Variants in CNTN5 observed in about 807,000 individuals in gnomAD.
CNTN5 encodes the protein contactin 5.
In CNTN5, 77 loss-of-function variants were observed where a neutral mutation model predicts 129.1. The ratio of observed to expected loss-of-function variants is 0.60; its 90% CI spans 0.50 to 0.72. The LOEUF (loss-of-function observed/expected upper bound fraction) is 0.72. Among genes scored for constraint, CNTN5 ranks in the 30% least tolerant of loss-of-function variants. CNTN5 has a pLI of 0.00. For missense variants in CNTN5, 1,478 were observed against 1,328.8 expected, an observed-to-expected ratio of 1.11 and a Z score of -1.75; for synonymous variants, 509 against 465.6, an observed-to-expected ratio of 1.09 and a Z score of -1.20.
intron 3 of CNTN5, among the ~76,000 whole-genome samples, chr11:99,561,670 A>G (rs1948847326): frequency 1.0e-3 from 1 of 992 alleles, no homozygotes; most frequent in Non-Finnish European, 0.014. Context: ...TACCCTTGGT[A>G]TGATGAGAAT....
intron 3 of CNTN5, among the ~76,000 whole-genome samples, chr11:99,665,895 G>A (rs906655161): frequency 2.6e-5 from 4 of 152,142 alleles, no homozygotes; most frequent in Non-Finnish European, 5.9e-5. Flanking sequence ...CCTATATGGT[G>A]GTTGGGAGTA....
chr11:99,821,489 A>G (rs969971468), intron 4 of CNTN5, among the ~76,000 whole-genome samples: 1 of 152,164 alleles, frequency 6.6e-6, no homozygotes, highest in Non-Finnish European at 1.5e-5. Context: ...GTTATTCAGT[A>G]AAAGCACAAC....
rs1409014858 is a variant in CNTN5, at chr11:99,990,534, G to GT, written c.878-11494dup. On this transcript the variant is annotated intron_variant, in intron 8 of 24. Transcript: ENST00000524871. ...TTCTCCTAATGATAAAACTCTCTAG[G>GT]TTTTTTCAATCATCCTACATAAATA... 2.6e-4 allele frequency among the ~76,000 whole-genome samples: 39 copies of GT among 150,660 alleles called. 1 individual carries two copies. The highest frequency in any genetic ancestry group is 9.0e-4 in the African/African-American group (37 of 40,960).
At chr11:99,761,356 G>A (rs1822166) in intron 3 of CNTN5, among the ~76,000 whole-genome samples, 5 of 151,820 alleles carry the variant, frequency 3.3e-5, no homozygotes, top group African/African-American at 1.2e-4. Context: ...ATGCTGGTGC[G>A]CTGCACCCAC....
chr11:99,990,557 A>G (rs1939016107), intron 8 of CNTN5, among the ~76,000 whole-genome samples: 1 of 152,020 alleles, frequency 6.6e-6, no homozygotes, highest in Non-Finnish European at 1.5e-5. Flanking sequence ...TCCTACATAA[A>G]TAATACTCAT....
At chr11:99,084,648 T>G (rs1865928368) in intron 1 of CNTN5, among the ~76,000 whole-genome samples, 1 of 152,190 alleles carries the variant, frequency 6.6e-6, no homozygotes, top group Non-Finnish European at 1.5e-5. Context: ...TGAATTTACC[T>G]TTTTCTTCAA....
At chr11:99,481,522 T>C (rs1368855299) in intron 2 of CNTN5, among the ~76,000 whole-genome samples, 1 of 152,198 alleles carries the variant, frequency 6.6e-6, no homozygotes, top group Non-Finnish European at 1.5e-5. Flanking sequence ...TTGCTGATTA[T>C]GTGAGAAATC....
chr11:99,423,572 C>G (rs1367504835), intron 2 of CNTN5, among the ~76,000 whole-genome samples: 1 of 152,208 alleles, frequency 6.6e-6, no homozygotes, highest in East Asian at 1.9e-4. Context: ...CTATTTTCAA[C>G]AGTGAGAATT....
chr11:99,161,503 G>T (rs1346682203), intron 1 of CNTN5, among the ~76,000 whole-genome samples: 1 of 152,062 alleles, frequency 6.6e-6, no homozygotes, highest in Non-Finnish European at 1.5e-5. Context: ...GGATGGGGAT[G>T]TCTTTGAGCT....
chr11:99,920,155 G>A (rs1019970400), intron 7 of CNTN5, among the ~76,000 whole-genome samples: 2 of 152,054 alleles, frequency 1.3e-5, no homozygotes, highest in Admixed American at 1.3e-4. Flanking sequence ...ATTATTTTCA[G>A]TTCTCATGTG....
intron 3 of CNTN5, among the ~76,000 whole-genome samples, chr11:99,720,378 T>G (rs571864724): frequency 6.6e-6 from 1 of 152,308 alleles, no homozygotes; most frequent in African/African-American, 2.4e-5. Context: ...TAAATATGAT[T>G]CATTACATAA....
At chr11:99,793,216 C>A (rs181073172) in intron 3 of CNTN5, among the ~76,000 whole-genome samples, 5,380 of 152,108 alleles carry the variant, frequency 0.035, 140 homozygotes, top group South Asian at 0.097. Flanking sequence ...CCTGCCACCA[C>A]GCCCAACTAA....
intron 1 of CNTN5, among the ~76,000 whole-genome samples, chr11:99,202,322 T>C (rs1859249754): frequency 6.6e-6 from 1 of 152,218 alleles, no homozygotes; most frequent in African/African-American, 2.4e-5. Flanking sequence ...GAAATGACTT[T>C]GAAACAATTT....
At chr11:99,788,676 C>T (rs943892535) in intron 3 of CNTN5, among the ~76,000 whole-genome samples, 6 of 151,768 alleles carry the variant, frequency 4.0e-5, no homozygotes, top group African/African-American at 1.5e-4. Context: ...CTAAAGATGC[C>T]TGTAAGGAAA....
intron 16 of CNTN5, among the ~76,000 whole-genome samples, chr11:100,242,233 C>T (rs927776726): frequency 2.6e-5 from 4 of 152,122 alleles, no homozygotes; most frequent in Non-Finnish European, 5.9e-5. Flanking sequence ...AAACTCTTGC[C>T]CATATTGTTT....
At chr11:99,668,826 C>A (rs1380681342) in intron 3 of CNTN5, among the ~76,000 whole-genome samples, 1 of 151,934 alleles carries the variant, frequency 6.6e-6, no homozygotes, top group Non-Finnish European at 1.5e-5. Context: ...CCTAGCTACT[C>A]GGGAAGTTGA....
At chr11:99,623,092 CCT>C (rs1355240924) in intron 3 of CNTN5, among the ~76,000 whole-genome samples, 14 of 152,128 alleles carry the variant, frequency 9.2e-5, no homozygotes, top group African/African-American at 2.9e-4. Flanking sequence ...TTCAATGTAA[CCT>C]CTGTTTCATG....
intron 3 of CNTN5, among the ~76,000 whole-genome samples, chr11:99,609,029 G>T (rs1276797106): frequency 6.6e-6 from 1 of 152,088 alleles, no homozygotes; most frequent in Non-Finnish European, 1.5e-5. Flanking sequence ...AGCTTTGTAT[G>T]CCAGTTTCAC....
intron 2 of CNTN5, among the ~76,000 whole-genome samples, chr11:99,433,060 C>T (rs191391937): frequency 4.3e-4 from 65 of 149,888 alleles, no homozygotes; most frequent in Admixed American, 3.1e-3. Context: ...GATGGCCTAA[C>T]CTTCAAAGCT....
Sources: gnomAD v4.1 joint callset for allele counts (sites outside exome capture counted in the v4.1 genomes callset) on GRCh38, gnomAD v4.1.1 for gene constraint, MANE v1.5 for transcripts, NCBI Gene and HGNC (gene_info 2026-07-23, HGNC 2026-07-21) for gene names.